Variants in ADAM18 observed in about 807,000 individuals in gnomAD.
ADAM18 encodes ADAM metallopeptidase domain 18.
In ADAM18, 117 loss-of-function variants were observed where a neutral mutation model predicts 94.4. That is an observed-to-expected ratio of 1.24 (90% CI 1.07 to 1.45). The LOEUF (loss-of-function observed/expected upper bound fraction) is 1.45. Among genes scored for constraint, ADAM18 ranks in the 40% most tolerant of loss-of-function variants. ADAM18 has a pLI of 0.00. For synonymous variants in ADAM18, 327 were observed against 291.6 expected, an observed-to-expected ratio of 1.12 and a Z score of -1.24; for missense variants, 936 against 880.0, an observed-to-expected ratio of 1.06 and a Z score of -0.81.
intron 18 of ADAM18, among the ~76,000 whole-genome samples, chr8:39,710,511 A>G (rs1822366261): frequency 6.6e-6 from 1 of 152,182 alleles, no homozygotes; most frequent in East Asian, 1.9e-4. Flanking sequence ...AATATAAATA[A>G]ACTTTTGTTC....
At chr8:39,611,446 A>G (rs1819269649) in intron 6 of ADAM18, 2 of 985,048 alleles carry the variant, frequency 2.0e-6, no homozygotes, top group African/African-American at 1.7e-5. Context: ...CCATGAAGCT[A>G]TGAAACCAAC....
At chr8:39,609,243 A>G in intron 4 of ADAM18, 123 bp downstream of exon 4, 1 of 784,610 alleles carries the variant, frequency 1.3e-6, no homozygotes, top group Non-Finnish European at 2.0e-6. Context: ...ACTTTTGTAC[A>G]TAGAAATGGC....
intron 3 of ADAM18, among the ~76,000 whole-genome samples, chr8:39,606,623 T>C (rs1287199284): frequency 2.0e-5 from 3 of 152,200 alleles, no homozygotes; most frequent in African/African-American, 7.2e-5. Context: ...TATAAGCCGT[T>C]GAACCCAAGA....
At chr8:39,706,699 G>A (rs1296455354) in intron 17 of ADAM18, 91 bp from the exon 18 acceptor site, 1 of 557,512 alleles carries the variant, frequency 1.8e-6, no homozygotes. Flanking sequence ...ATTATTCTAT[G>A]AAATTTAGTT....
At chr8:39,620,329 A>T (rs13260129) in intron 6 of ADAM18, among the ~76,000 whole-genome samples, 5 of 138,242 alleles carry the variant, frequency 3.6e-5, no homozygotes, top group Admixed American at 1.5e-4. Context: ...TTTTTTAGAC[A>T]GGACCTCAAA....
intron 18 of ADAM18, among the ~76,000 whole-genome samples, chr8:39,718,469 G>A (rs978739994): frequency 6.6e-6 from 1 of 151,532 alleles, no homozygotes; most frequent in African/African-American, 2.4e-5. Context: ...AAAGACAAAT[G>A]TTCCACAGTT....
rs554917996 is a variant in ADAM18, at chr8:39,727,395, A to G, written c.2178-2503A>G. ...GTTATGCTCTGCTTCCTGATTAAAT[A>G]TAAATTTCAACTCTAAATCATTACT... On this transcript the variant is annotated intron_variant, in intron 19 of 19. Transcript: ENST00000265707. 4.6e-5 allele frequency among the ~76,000 whole-genome samples: 7 copies of G among 152,364 alleles called. No homozygotes were observed. The South Asian group carries it at 8.3e-4, about 18-fold the overall frequency.
chr8:39,699,008 C>A (rs1458452932), intron 17 of ADAM18, among the ~76,000 whole-genome samples: 3 of 151,962 alleles, frequency 2.0e-5, no homozygotes, highest in African/African-American at 7.2e-5. Context: ...TATGATCTAG[C>A]CCTTCACAAC....
chr8:39,632,020 G>T (rs1169130832), intron 7 of ADAM18, among the ~76,000 whole-genome samples: 1 of 151,296 alleles, frequency 6.6e-6, no homozygotes, highest in Non-Finnish European at 1.5e-5. Context: ...GTTATTTTTT[G>T]CATAATTTAC....
chr8:39,646,201 A>T (rs1413051848), intron 11 of ADAM18, among the ~76,000 whole-genome samples: 1 of 152,150 alleles, frequency 6.6e-6, no homozygotes, highest in African/African-American at 2.4e-5. Flanking sequence ...AAGTATTGCT[A>T]TCTGAGACGA....
At chr8:39,691,530 C>T (rs1197648335) in intron 16 of ADAM18, among the ~76,000 whole-genome samples, 1 of 151,820 alleles carries the variant, frequency 6.6e-6, no homozygotes, top group Non-Finnish European at 1.5e-5. Flanking sequence ...CAATAAACTC[C>T]CATGTTTATT....
intron 3 of ADAM18, among the ~76,000 whole-genome samples, chr8:39,606,591 A>G (rs1011450738): frequency 2.6e-5 from 4 of 152,178 alleles, no homozygotes; most frequent in African/African-American, 2.4e-5. Flanking sequence ...TAAACTACAT[A>G]CTTGTAAAAT....
intron 14 of ADAM18, among the ~76,000 whole-genome samples, chr8:39,671,795 A>G (rs1279483290): frequency 6.6e-6 from 1 of 152,198 alleles, no homozygotes; most frequent in Non-Finnish European, 1.5e-5. Context: ...ACAGAATAAT[A>G]GAGACAGGGA....
rs1821331068 is a variant in ADAM18, at chr8:39,677,508, A to C, written c.1603A>C (p.Asn535His). Residue 535 changes from asparagine to histidine, a missense_variant, in exon 15 of 20, where the codon AAT becomes CAT. Coordinates refer to ENST00000265707, the MANE Select transcript of ADAM18 (RefSeq NM_014237.3). Reference protein sequence around the residue: ...HERSENCGFKNSQPLPCERKD... With the variant: ...HERSENCGFKHSQPLPCERKD... ...AAGATCTGAAAACTGTGGTTTTAAA[A>C]ATTCACAACCATTACCTTGTGAACG... is the stretch of plus-strand genomic sequence containing the variant. 4 of 1,609,992 alleles carry C rather than the reference A, an allele frequency of 2.5e-6. No individual in the cohort carries two copies. In the East Asian group the frequency reaches 9.0e-5, roughly 36 times the overall value.
At chr8:39,666,775 C>T (rs1821002114) in intron 13 of ADAM18, among the ~76,000 whole-genome samples, 1 of 152,146 alleles carries the variant, frequency 6.6e-6, no homozygotes, top group African/African-American at 2.4e-5. Flanking sequence ...TGAATTATCT[C>T]CCACCGGGTG....
chr8:39,656,244 A>G (rs1467000413), intron 12 of ADAM18, among the ~76,000 whole-genome samples: 2 of 152,120 alleles, frequency 1.3e-5, no homozygotes, highest in Non-Finnish European at 2.9e-5. Context: ...ATCTATTTTC[A>G]TTATAAAATT....
At chr8:39,588,228 G>GT (rs770258606) in intron 2 of ADAM18, among the ~76,000 whole-genome samples, 3,475 of 131,708 alleles carry the variant, frequency 0.026, 65 homozygotes, top group Non-Finnish European at 0.037. Context: ...GTGGGTGTGG[G>GT]TTTTTTTTTT....
chr8:39,612,378 G>A (rs1563274955), intron 6 of ADAM18, among the ~76,000 whole-genome samples: 1 of 152,120 alleles, frequency 6.6e-6, no homozygotes, highest in Non-Finnish European at 1.5e-5. Context: ...CTAGGGAAGA[G>A]GTGAGTTAAA....
At chr8:39,621,836 A>T (rs1819624128) in intron 6 of ADAM18, among the ~76,000 whole-genome samples, 1 of 152,214 alleles carries the variant, frequency 6.6e-6, no homozygotes, top group South Asian at 2.1e-4. Context: ...CAGAAAACCA[A>T]ACACTGAATG....
Sources: allele counts gnomAD v4.1 joint callset (sites outside exome capture counted in the v4.1 genomes callset), GRCh38; gene constraint gnomAD v4.1.1; transcripts MANE v1.5; gene names NCBI Gene and HGNC (gene_info 2026-07-23, HGNC 2026-07-21).